Variants in GPHN observed in about 807,000 individuals in gnomAD.
GPHN encodes gephyrin.
In GPHN, 17 loss-of-function variants were observed where a neutral mutation model predicts 95.5. That is an observed-to-expected ratio of 0.18 (90% confidence interval 0.12 to 0.27). GPHN has a LOEUF of 0.27. Ranked by LOEUF, GPHN falls within the 10% of genes least tolerant of loss-of-function variation. The pLI, the probability that GPHN is intolerant of heterozygous loss-of-function variation, is 1.00. For missense variants in GPHN, 660 were observed against 978.1 expected (o/e 0.67, Z 4.34); for synonymous variants, 320 against 322.5 (o/e 0.99, Z 0.08).
the GPHN span, among the ~76,000 whole-genome samples, chr14:67,253,275 C>G: frequency 1.3e-5 from 2 of 152,100 alleles, no homozygotes; most frequent in African/African-American, 4.8e-5. Flanking sequence ...AGCACTCTTT[C>G]AATGTTAGAT....
chr14:67,348,747 C>T, the GPHN span: 1 of 270,322 alleles, frequency 3.7e-6, no homozygotes, highest in Non-Finnish European at 7.1e-6. Flanking sequence ...GTCTCGAACT[C>T]CTGACCTTGT....
intron 17 of GPHN, among the ~76,000 whole-genome samples, chr14:67,139,390 ACTTGGCCAGCATC>A (rs1567391615): frequency 6.6e-6 from 1 of 151,954 alleles, no homozygotes; most frequent in African/African-American, 2.4e-5. Context: ...GTGCCACCGC[ACTTGGCCAGCATC>A]CTCTCTTTCT....
the GPHN span, chr14:67,280,087 G>A: frequency 2.0e-5 from 3 of 152,124 alleles, no homozygotes; most frequent in South Asian, 2.1e-4. Context: ...AGATACAACC[G>A]AACCAAAAGA....
intron 13 of GPHN, among the ~76,000 whole-genome samples, chr14:67,108,712 G>GGTGTGTGTGTGTGTGTGT (rs3063159): frequency 7.6e-6 from 1 of 131,142 alleles, no homozygotes; most frequent in Non-Finnish European, 1.6e-5. Context: ...TTCCCTAAGG[G>GGTGTGTGTGTGTGTGTGT]GTGTGTGTGT....
At chr14:67,034,984 G>A (rs900228363) in intron 10 of GPHN, among the ~76,000 whole-genome samples, 1 of 151,970 alleles carries the variant, frequency 6.6e-6, no homozygotes, top group Non-Finnish European at 1.5e-5. Flanking sequence ...TAGCATACAT[G>A]GAATATTCTG....
At chr14:67,086,649 C>CAA (rs59947004) in intron 11 of GPHN, among the ~76,000 whole-genome samples, 14 of 84,562 alleles carry the variant, frequency 1.7e-4, no homozygotes, top group East Asian at 1.1e-3. Context: ...GACTCTGTCT[C>CAA]AAAAAAAAAA....
chr14:67,023,829 T>G (rs1370411837), intron 10 of GPHN, among the ~76,000 whole-genome samples, 154 bp downstream of exon 10: 1 of 152,160 alleles, frequency 6.6e-6, no homozygotes, highest in Non-Finnish European at 1.5e-5. Context: ...ATTGCCAGTA[T>G]CAATACATTA....
intron 1 of GPHN, among the ~76,000 whole-genome samples, chr14:66,516,616 C>A (rs1354473785): frequency 6.6e-6 from 1 of 152,178 alleles, no homozygotes; most frequent in Non-Finnish European, 1.5e-5. Context: ...TATAGTACTT[C>A]ACGATTTCAG....
At chr14:67,132,487 CT>C (rs1255495030) in intron 17 of GPHN, among the ~76,000 whole-genome samples, 2 of 151,962 alleles carry the variant, frequency 1.3e-5, no homozygotes, top group African/African-American at 4.8e-5. Context: ...TCTTTTACTC[CT>C]AGCAAGCTGG....
At chr14:67,656,281 A>C in the GPHN span, 127 of 861,068 alleles carry the variant, frequency 1.5e-4, no homozygotes, top group Middle Eastern at 4.1e-4. Flanking sequence ...AAAAATTGAG[A>C]AAAGCATAAG....
At position 66,763,397 on chromosome 14, in the gene GPHN, G is replaced by A. The variant is rs1355596088; in HGVS notation, c.144-13067G>A. On this transcript the variant is annotated intron_variant, in intron 2 of 22. Transcript: ENST00000478722. ...CAATGCTATCCCTCCCCCCTCCCCC[G>A]ACCCCACCACAGTCCCCAGAGTGTG... 1.1e-4 allele frequency among the ~76,000 whole-genome samples: 8 copies of A among 73,566 alleles called. No individual in the cohort carries two copies. The Admixed American group carries it at 1.6e-3, about 15-fold the overall frequency. 48.3% of individuals were successfully genotyped at this position (73,566 alleles called of 152,430 possible). A position where few individuals can be genotyped will look rare whatever the true frequency, so the allele number is the denominator to read the frequency against.
At chr14:67,431,284 C>T in the GPHN span, among the ~76,000 whole-genome samples, 26 of 149,848 alleles carry the variant, frequency 1.7e-4, no homozygotes, top group South Asian at 3.0e-3. Context: ...CCCAGCTACT[C>T]GGCAGGCTGA....
At chr14:66,986,852 C>A (rs1165185767) in intron 9 of GPHN, among the ~76,000 whole-genome samples, 4 of 152,142 alleles carry the variant, frequency 2.6e-5, no homozygotes, top group Non-Finnish European at 5.9e-5. Flanking sequence ...TGCACTCTTT[C>A]CTCTCCTTGC....
At chr14:67,207,427 C>T in the GPHN span, among the ~76,000 whole-genome samples, 3 of 152,114 alleles carry the variant, frequency 2.0e-5, no homozygotes, top group African/African-American at 7.2e-5. Context: ...ATGGTGAGGA[C>T]AGCACCAAGC....
intron 1 of GPHN, among the ~76,000 whole-genome samples, chr14:66,649,004 C>A (rs2064899833): frequency 6.6e-6 from 1 of 152,108 alleles, no homozygotes; most frequent in South Asian, 2.1e-4. Flanking sequence ...CTAAACTTTA[C>A]AATGAAAGTA....
At chr14:66,726,454 T>G (rs541672657) in intron 2 of GPHN, among the ~76,000 whole-genome samples, 1 of 152,370 alleles carries the variant, frequency 6.6e-6, no homozygotes, top group African/African-American at 2.4e-5. Context: ...TCAACTCATT[T>G]ATGAATCCTT....
chr14:67,272,422 C>A, the GPHN span, among the ~76,000 whole-genome samples: 4 of 152,278 alleles, frequency 2.6e-5, no homozygotes, highest in South Asian at 8.3e-4. Flanking sequence ...TTTGGATCTA[C>A]TTCTGGAGTT....
At chr14:66,957,435 ATCCACCCACCTCGGCC>A (rs1436518233) in intron 8 of GPHN, among the ~76,000 whole-genome samples, 1 of 151,938 alleles carries the variant, frequency 6.6e-6, no homozygotes, top group Non-Finnish European at 1.5e-5. Flanking sequence ...ACCTCAGGTG[ATCCACCCACCTCGGCC>A]TCCCAAATTG....
At chr14:67,599,125 G>A in the GPHN span, among the ~76,000 whole-genome samples, 1 of 151,978 alleles carries the variant, frequency 6.6e-6, no homozygotes, top group Non-Finnish European at 1.5e-5. Flanking sequence ...CAGCAAAAAA[G>A]CGAATGGATG....
Sources: gnomAD v4.1 joint callset for allele counts (sites outside exome capture counted in the v4.1 genomes callset) on GRCh38, gnomAD v4.1.1 for gene constraint, MANE v1.5 for transcripts, NCBI Gene and HGNC (gene_info 2026-07-23, HGNC 2026-07-21) for gene names.